The following ANKRD50 variants were observed in gnomAD, a reference collection of about 807,000 sequenced individuals.
ANKRD50 encodes ankyrin repeat domain 50.
ANKRD50 carries 40 observed loss-of-function variants against 112.0 expected under a neutral mutation model. The ratio of observed to expected loss-of-function variants is 0.36; its 90% CI spans 0.28 to 0.46. The LOEUF is 0.46. Ranked by LOEUF, ANKRD50 falls within the 20% of genes least tolerant of loss-of-function variation. ANKRD50 has a pLI of 1.00. For missense variants in ANKRD50, 1,487 were observed against 1,701.7 expected (o/e 0.87, Z 2.22); for synonymous variants, 613 against 619.1 (o/e 0.99, Z 0.15).
In ANKRD50 at chr4:124,667,304, A is replaced by G. The variant is rs779520422; in HGVS notation, c.*214T>C. 6.6e-6 allele frequency: 1 copy of G among 152,064 alleles called. No individual in the cohort carries two copies. Among genetic ancestry groups the G allele is most frequent in the African/African-American group, 2.4e-5 (1 of 41,446 alleles). The allele number at this position is 152,064 out of a possible 1,614,324, so 9.4% of individuals were successfully genotyped here. ...GCTTATTCCTGTGTAGTGAATACAA[A>G]GCACACAAAATGAAATTTTTTAAGC... On this transcript the variant is annotated 3_prime_UTR_variant, in exon 5 of 5. Transcript: ENST00000504087.
At chr4:124,703,202 T>C (rs191227388) in intron 2 of ANKRD50, among the ~76,000 whole-genome samples, 2 of 151,858 alleles carry the variant, frequency 1.3e-5, no homozygotes, top group Non-Finnish European at 2.9e-5. Flanking sequence ...GTACAAATAC[T>C]GAAAAAAAAT....
At chr4:124,696,056 T>C (rs1725244648) in intron 2 of ANKRD50, among the ~76,000 whole-genome samples, 1 of 151,990 alleles carries the variant, frequency 6.6e-6, no homozygotes, top group Admixed American at 6.6e-5. Context: ...AAAGAGATAA[T>C]AGATGCAGAC....
At chr4:124,688,255 A>G (rs1725051043) in intron 2 of ANKRD50, among the ~76,000 whole-genome samples, 1 of 152,210 alleles carries the variant, frequency 6.6e-6, no homozygotes, top group East Asian at 1.9e-4. Context: ...TAAGTTAAAG[A>G]GCCCAGTTCC....
intron 4 of ANKRD50, among the ~76,000 whole-genome samples, chr4:124,667,856 T>C (rs1161321093): frequency 2.6e-5 from 4 of 152,016 alleles, no homozygotes; most frequent in African/African-American, 7.2e-5. Flanking sequence ...TATTTTTGAA[T>C]GACATTTGGT....
At chr4:124,705,744 T>C (rs932626505) in intron 2 of ANKRD50, among the ~76,000 whole-genome samples, 3 of 152,152 alleles carry the variant, frequency 2.0e-5, no homozygotes, top group African/African-American at 4.8e-5. Flanking sequence ...TTTATAATTA[T>C]AGGACTACTA....
chr4:124,684,167 T>C (rs1724954974), intron 2 of ANKRD50, among the ~76,000 whole-genome samples: 2 of 152,152 alleles, frequency 1.3e-5, no homozygotes, highest in South Asian at 4.1e-4. Context: ...TGGTGTTTCT[T>C]ATGCCCTGTT....
chr4:124,712,564 A>C lies in ANKRD50; in HGVS notation c.-870T>G, dbSNP rs1294224422. On this transcript the variant is annotated 5_prime_UTR_variant, in exon 1 of 5. Coordinates refer to ENST00000504087, the MANE Select transcript of ANKRD50 (RefSeq NM_020337.3). Reference sequence around the variant, plus strand: ...CTGCCAGCAGCGCTCCCAAGACTCCACTCCAACTGCAGCCGCCTCCTCCGC... The same window carrying C: ...CTGCCAGCAGCGCTCCCAAGACTCCCCTCCAACTGCAGCCGCCTCCTCCGC... 1 of 151,376 alleles carries C rather than the reference A, an allele frequency of 6.6e-6. No homozygotes were observed. 9.4% of individuals were successfully genotyped at this position (151,376 alleles called of 1,614,324 possible). A position where few individuals can be genotyped will look rare whatever the true frequency, so the allele number is the denominator to read the frequency against.
Position 124,670,093 on chromosome 4 carries a change from G to C in ANKRD50, c.3184C>G (p.Gln1062Glu). The part of the protein sequence containing the change: ...AAQEGHIDVV[Q>E]VLLEHGADPN... ...TCAGCACCATGCTCTAATAAGACCT[G>C]AACAACATCAATGTGCCCTTCCTGG... The change falls in exon 4 of 5, where the codon CAG becomes GAG. Residue 1062 changes from glutamine to glutamate, a missense_variant. Physicochemically the swap from Gln to Glu is conservative, Grantham distance 29. This residue lies in a region of ANKRD50 where 441 missense variants were observed against 432.2 expected (regional missense o/e 1.02). Coordinates refer to ENST00000504087, the MANE Select transcript of ANKRD50 (RefSeq NM_020337.3). 1 of 1,613,492 alleles carries C rather than the reference G, an allele frequency of 6.2e-7. No individual in the cohort carries two copies. The highest frequency in any genetic ancestry group is 1.3e-5 in the African/African-American group (1 of 74,988).
At chr4:124,709,736 A>G (rs1322440963) in intron 2 of ANKRD50, among the ~76,000 whole-genome samples, 1 of 152,162 alleles carries the variant, frequency 6.6e-6, no homozygotes, top group East Asian at 1.9e-4. Flanking sequence ...CTTACCATTT[A>G]TAGGCAATGT....
At chr4:124,694,870 G>C (rs1385691577) in intron 2 of ANKRD50, among the ~76,000 whole-genome samples, 3 of 151,990 alleles carry the variant, frequency 2.0e-5, no homozygotes, top group Non-Finnish European at 4.4e-5. Flanking sequence ...AATGGTAATA[G>C]AGAAGAAATC....
chr4:124,710,781 G>C lies in ANKRD50; in HGVS notation c.-270C>G. On this transcript the variant is annotated 5_prime_UTR_variant, in exon 2 of 5. The change creates a premature stop within an existing upstream ORF in the 5' untranslated region. Transcript: ENST00000504087. The stretch of plus-strand genomic sequence containing the variant: ...AGCAACACTTTTCCTAAATTTTAAT[G>C]AGTCACATAACTCCATGGTTATAAC... 2.0e-6 allele frequency: 1 copy of C among 503,080 alleles called. No homozygotes were observed. Among genetic ancestry groups the C allele is most frequent in the East Asian group, 2.9e-5 (1 of 34,516 alleles). The allele number at this position is 503,080 out of a possible 1,614,324, so 31.2% of individuals were successfully genotyped here.
chr4:124,693,028 A>G (rs1725171661), intron 2 of ANKRD50, among the ~76,000 whole-genome samples: 1 of 152,190 alleles, frequency 6.6e-6, no homozygotes, highest in African/African-American at 2.4e-5. Flanking sequence ...TGAGACAAGT[A>G]GTAAATGGCA....
intron 2 of ANKRD50, among the ~76,000 whole-genome samples, chr4:124,687,345 A>T (rs1266686203): frequency 6.6e-6 from 1 of 152,162 alleles, no homozygotes; most frequent in Non-Finnish European, 1.5e-5. Context: ...AAAAAAGACG[A>T]ACTTCAATAC....
At chr4:124,701,364 T>G (rs929950884) in intron 2 of ANKRD50, among the ~76,000 whole-genome samples, 1 of 151,808 alleles carries the variant, frequency 6.6e-6, no homozygotes, top group Non-Finnish European at 1.5e-5. Flanking sequence ...TAGAGACAAA[T>G]GAAAGAACCA....
At chr4:124,686,199 G>GA (rs752244152) in intron 2 of ANKRD50, among the ~76,000 whole-genome samples, 4 of 152,148 alleles carry the variant, frequency 2.6e-5, no homozygotes, top group Non-Finnish European at 4.4e-5. Flanking sequence ...GATTGAACAT[G>GA]AAAAAGTGTC....
chr4:124,672,434 T>C lies in ANKRD50; in HGVS notation c.843A>G (p.Arg281=). ...CTGCAGTTTCTTTTGTGAGGTGTTG[T>C]CGCAAAGCTTCTTCTTGATCTAAAC... The part of the protein sequence containing the change: ...LHRLDQEEAL[R]QHLTKETAEM... Residue 281 remains arginine, a synonymous_variant, in exon 4 of 5, where the codon CGA becomes CGG. Coordinates refer to ENST00000504087, the MANE Select transcript of ANKRD50 (RefSeq NM_020337.3). 6.2e-7 allele frequency: 1 copy of C among 1,612,986 alleles called. No homozygotes were observed. The highest frequency in any genetic ancestry group is 2.2e-5 in the East Asian group (1 of 44,830).
Position 124,671,944 on chromosome 4 carries a change from T to C in ANKRD50, c.1333A>G (p.Lys445Glu). 1.2e-6 allele frequency: 2 copies of C among 1,613,944 alleles called. No individual in the cohort carries two copies. The highest frequency in any genetic ancestry group is 1.7e-6 in the Non-Finnish European group (2 of 1,179,878). Residue 445 changes from lysine to glutamate, a missense_variant, in exon 4 of 5, where the codon AAG (lysine) becomes GAG (glutamate). Around this residue, in one of 2 missense-constraint regions of ANKRD50, gnomAD observed 1,046 missense variants for 1,269.5 expected, o/e 0.82. Coordinates refer to ENST00000504087, the MANE Select transcript of ANKRD50 (RefSeq NM_020337.3). ...MLAMSYTCQA[K>E]NLTPLEAQEF... ...TGTGCTTCCAATGGTGTTAAATTCT[T>C]GGCTTGACAGGTATAACTCATAGCC...
At chr4:124,697,320 T>C (rs1725276709) in intron 2 of ANKRD50, among the ~76,000 whole-genome samples, 1 of 152,184 alleles carries the variant, frequency 6.6e-6, no homozygotes, top group South Asian at 2.1e-4. Context: ...TTAACCCTGA[T>C]GTATTTCAAA....
intron 2 of ANKRD50, among the ~76,000 whole-genome samples, chr4:124,700,347 C>T (rs1285867360): frequency 2.0e-5 from 3 of 152,154 alleles, no homozygotes; most frequent in Non-Finnish European, 4.4e-5. Context: ...AGTAAGAAGC[C>T]ACTGGAAGGT....
Sources: allele counts gnomAD v4.1 joint callset (sites outside exome capture counted in the v4.1 genomes callset), GRCh38; gene constraint gnomAD v4.1.1; regional missense constraint gnomAD v4.1.1; transcripts MANE v1.5; gene names NCBI Gene and HGNC (gene_info 2026-07-23, HGNC 2026-07-21).